Variants in EBF1 observed in about 807,000 individuals in gnomAD.
EBF1 encodes the protein transcription factor COE1.
A neutral mutation model predicts 68.4 loss-of-function variants in EBF1; 10 were observed. The observed-to-expected ratio is 0.15, with a 90% CI of 0.09 to 0.25. The LOEUF is 0.25. EBF1 is among the 10% of genes least tolerant of loss of function. The pLI is 1.00. For missense variants in EBF1, 509 were observed against 794.4 expected (o/e 0.64, Z 4.32); for synonymous variants, 298 against 299.8 (o/e 0.99, Z 0.06).
chr5:158,988,359 A>C (rs1236720349), intron 6 of EBF1, among the ~76,000 whole-genome samples: 1 of 152,164 alleles, frequency 6.6e-6, no homozygotes, highest in African/African-American at 2.4e-5. Flanking sequence ...GACTCTTGAG[A>C]AGAGTGGGAC....
At chr5:158,720,130 T>C (rs887291833) in intron 11 of EBF1, among the ~76,000 whole-genome samples, 2 of 152,208 alleles carry the variant, frequency 1.3e-5, no homozygotes, top group Non-Finnish European at 2.9e-5. Context: ...GATGTAGAGA[T>C]GATAAGCACC....
At chr5:159,009,043 T>C (rs1764127377) in intron 6 of EBF1, among the ~76,000 whole-genome samples, 1 of 152,234 alleles carries the variant, frequency 6.6e-6, no homozygotes, top group African/African-American at 2.4e-5. Context: ...CCCAGCCTCA[T>C]GCTCTCCTCA....
At chr5:158,712,896 A>G (rs1759733440) in intron 13 of EBF1, 74 bp downstream of exon 13, 2 of 1,346,504 alleles carry the variant, frequency 1.5e-6, no homozygotes, top group Non-Finnish European at 1.9e-6. Flanking sequence ...TTAATGTAAA[A>G]ATTGTTCATG....
chr5:158,782,041 G>C (rs1339519655), intron 9 of EBF1, among the ~76,000 whole-genome samples: 1 of 152,120 alleles, frequency 6.6e-6, no homozygotes, highest in African/African-American at 2.4e-5. Context: ...TTGGAGTAAA[G>C]GGCATGTGGA....
chr5:158,808,991 A>G (rs1023337799), intron 8 of EBF1, among the ~76,000 whole-genome samples: 2 of 152,020 alleles, frequency 1.3e-5, no homozygotes, highest in African/African-American at 2.4e-5. Context: ...TATCTTTCCC[A>G]TTTATTATTT....
chr5:158,910,118 A>G (rs1225171579), intron 6 of EBF1, among the ~76,000 whole-genome samples: 3 of 152,144 alleles, frequency 2.0e-5, no homozygotes, highest in Non-Finnish European at 2.9e-5. Flanking sequence ...TCATTGAGCT[A>G]TGGAATTTGT....
At chr5:159,045,441 A>AG (rs1201464846) in intron 6 of EBF1, among the ~76,000 whole-genome samples, 11 of 152,086 alleles carry the variant, frequency 7.2e-5, no homozygotes, top group Non-Finnish European at 1.3e-4. Context: ...GAAGAAGAAA[A>AG]AAAAAAGAAT....
chr5:158,990,269 G>T (rs926673455), intron 6 of EBF1, among the ~76,000 whole-genome samples: 3 of 152,192 alleles, frequency 2.0e-5, no homozygotes, highest in Non-Finnish European at 4.4e-5. Flanking sequence ...CAGCCTCTGG[G>T]TTCCTACCAG....
Position 158,904,809 on chromosome 5 carries a change from C to T in EBF1, c.555-64699G>A, listed in dbSNP as rs1804206381. 2.6e-5 allele frequency among the ~76,000 whole-genome samples: 4 copies of T among 152,270 alleles called. No homozygotes were observed. In the South Asian group the frequency reaches 8.3e-4, roughly 32 times the overall value. On this transcript the variant is annotated intron_variant, in intron 6 of 15. Transcript: ENST00000313708. ...CATGCTCGCCGGTCTGCCCCAGTCC[C>T]CACCACTCCCTAATACATTTCTCAA...
chr5:158,877,698 A>ACG (rs1798059669), intron 6 of EBF1, among the ~76,000 whole-genome samples: 1 of 111,476 alleles, frequency 9.0e-6, no homozygotes, highest in Non-Finnish European at 2.2e-5. Context: ...AATACTACAA[A>ACG]CGCACACACA....
In EBF1 at chr5:158,707,983, C is replaced by T. The variant is rs1302407748; in HGVS notation, c.1740G>A (p.Leu580=). 1 of 1,549,242 alleles carries T rather than the reference C, an allele frequency of 6.5e-7. No individual in the cohort carries two copies. Among genetic ancestry groups the T allele is most frequent in the Admixed American group, 2.0e-5 (1 of 51,016 alleles). ...CAGGTGGGGCCTGGGGCTTACCTTG[C>T]AGGCTGTTCCCGTTGGTGCTGGTGC... ...PTCTSTNGNS[L]QAISGMIVPP... The change falls in exon 15 of 16, where the codon CTG becomes CTA. Residue 580 remains leucine (L), a synonymous_variant. Transcript: ENST00000313708.
intron 6 of EBF1, among the ~76,000 whole-genome samples, chr5:158,956,822 G>T (rs886266931): frequency 6.8e-6 from 1 of 147,380 alleles, no homozygotes; most frequent in South Asian, 2.2e-4. Flanking sequence ...GCAGTGGCGC[G>T]ATCTGGGCTC....
At position 158,897,578 on chromosome 5, in the gene EBF1, TA is replaced by T. The variant is rs897018920; in HGVS notation, c.555-57469del. Among the ~76,000 whole-genome samples the T allele has an allele frequency of 7.4e-3, 1,093 of 147,170 alleles. 9 individuals are homozygous for T. The highest frequency in any genetic ancestry group is 0.024 in the African/African-American group (981 of 40,374). On this transcript the variant is annotated intron_variant, in intron 6 of 15. Coordinates refer to ENST00000313708, the MANE Select transcript of EBF1 (RefSeq NM_024007.5). ...CACATGTGGCCCTGAACTTAAACGT[TA>T]AAAAAAAAAATCATTCTTGCTCTCA...
intron 6 of EBF1, among the ~76,000 whole-genome samples, chr5:158,898,666 T>C (rs1170928775): frequency 6.6e-6 from 1 of 152,234 alleles, no homozygotes; most frequent in Non-Finnish European, 1.5e-5. Flanking sequence ...GACTTTCCAC[T>C]GGTAGTACTG....
intron 10 of EBF1, among the ~76,000 whole-genome samples, chr5:158,773,637 T>G (rs899651397): frequency 1.2e-4 from 18 of 152,078 alleles, no homozygotes; most frequent in African/African-American, 4.3e-4. Context: ...ATGAAAATTC[T>G]TACAGAAAAT....
chr5:158,946,360 G>A (rs1814701980), intron 6 of EBF1, among the ~76,000 whole-genome samples: 4 of 152,146 alleles, frequency 2.6e-5, no homozygotes, highest in Admixed American at 2.6e-4. Flanking sequence ...CCTTCAGATG[G>A]AGTTTTTGCT....
intron 6 of EBF1, among the ~76,000 whole-genome samples, chr5:158,982,634 T>A (rs542877376): frequency 0.02 from 3,090 of 152,322 alleles, 39 homozygotes; most frequent in Admixed American, 0.045. Flanking sequence ...AGTCTAATTC[T>A]TTTTGCTTTA....
chr5:158,955,115 G>C (rs773764011), intron 6 of EBF1, among the ~76,000 whole-genome samples: 1 of 152,106 alleles, frequency 6.6e-6, no homozygotes, highest in African/African-American at 2.4e-5. Flanking sequence ...ACGAGGTCAG[G>C]AGTTCAAGAC....
chr5:159,012,192 C>T (rs1258411451), intron 6 of EBF1, among the ~76,000 whole-genome samples: 1 of 151,786 alleles, frequency 6.6e-6, no homozygotes, highest in Non-Finnish European at 1.5e-5. Context: ...GAGGCTGAGG[C>T]AGGAGAATGG....
Sources: allele counts gnomAD v4.1 joint callset (sites outside exome capture counted in the v4.1 genomes callset), GRCh38; gene constraint gnomAD v4.1.1; transcripts MANE v1.5; gene names NCBI Gene and HGNC (gene_info 2026-07-23, HGNC 2026-07-21).